CRACD: variants seen among roughly 807,000 people sequenced by gnomAD.
CRACD encodes capping protein inhibiting regulator of actin dynamics, also known as capping protein-inhibiting regulator of actin dynamics.
In CRACD, 56 loss-of-function variants were observed where a neutral mutation model predicts 106.8. The observed-to-expected ratio is 0.52, with a 90% CI of 0.42 to 0.66. The LOEUF is 0.66. CRACD is among the 30% of genes least tolerant of loss of function. The pLI is 0.00. For synonymous variants in CRACD, 754 were observed against 670.8 expected (o/e 1.12, Z -1.92); for missense variants, 1,730 against 1,623.2 (o/e 1.07, Z -1.13).
At chr4:56,079,785 A>T (rs574548237) in intron 1 of CRACD, among the ~76,000 whole-genome samples, 2 of 152,130 alleles carry the variant, frequency 1.3e-5, no homozygotes, top group South Asian at 4.2e-4. Flanking sequence ...TTTTGTTTTT[A>T]AAATTGTAAA....
chr4:56,098,815 C>T (rs540047079), intron 1 of CRACD, among the ~76,000 whole-genome samples: 1 of 152,274 alleles, frequency 6.6e-6, no homozygotes, highest in Admixed American at 6.5e-5. Flanking sequence ...CCTCAGCCTC[C>T]AGGTGTGCAC....
intron 1 of CRACD, among the ~76,000 whole-genome samples, chr4:56,067,416 T>G (rs1732498262): frequency 6.6e-6 from 1 of 152,244 alleles, no homozygotes; most frequent in Non-Finnish European, 1.5e-5. Context: ...CTTCTTTGGA[T>G]CTGGATACCT....
intron 2 of CRACD, among the ~76,000 whole-genome samples, chr4:56,215,037 T>C (rs1738610782): frequency 6.6e-6 from 1 of 152,020 alleles, no homozygotes; most frequent in African/African-American, 2.4e-5. Context: ...AGAGACAGCA[T>C]ACTGCTCTTT....
At position 56,202,969 on chromosome 4, in the gene CRACD, ATTGCTGAATT is replaced by A. The variant is rs1242994171; in HGVS notation, c.-189+23540_-189+23549del. 7.9e-5 allele frequency among the ~76,000 whole-genome samples: 12 copies of A among 152,302 alleles called. No homozygotes were observed. In the East Asian group the frequency reaches 2.3e-3, roughly 29 times the overall value. ...TGCTTCACCCTAATCAGTTTGTCTAATTGCTGAATTAGTTGAGGGGATATGTATGATATTA... is the reference window on the plus strand; with the variant it reads ...TGCTTCACCCTAATCAGTTTGTCTAAAGTTGAGGGGATATGTATGATATTA... On this transcript the variant is annotated intron_variant, in intron 2 of 10. Coordinates refer to ENST00000682029, the MANE Select transcript of CRACD (RefSeq NM_001393381.1).
chr4:56,229,024 C>T (rs1372662032), intron 2 of CRACD, among the ~76,000 whole-genome samples: 2 of 152,120 alleles, frequency 1.3e-5, no homozygotes, highest in East Asian at 1.9e-4. Flanking sequence ...GAAAGTCATA[C>T]ATAAGGTTCT....
intron 1 of CRACD, among the ~76,000 whole-genome samples, chr4:56,128,107 A>G (rs1339450973): frequency 1.3e-5 from 2 of 151,514 alleles, no homozygotes; most frequent in African/African-American, 2.4e-5. Context: ...TCATATCAAT[A>G]TTTCCTGATG....
chr4:56,209,745 C>T (rs1034521491), intron 2 of CRACD, among the ~76,000 whole-genome samples: 2 of 152,098 alleles, frequency 1.3e-5, no homozygotes, highest in African/African-American at 4.8e-5. Context: ...AAATGACTCC[C>T]ATTTTATGAT....
chr4:56,100,348 C>A (rs560840612), intron 1 of CRACD, among the ~76,000 whole-genome samples: 110 of 152,300 alleles, frequency 7.2e-4, no homozygotes, highest in African/African-American at 2.5e-3. Context: ...TAAATTACTT[C>A]ATTCTGAGCA....
chr4:56,138,417 T>A (rs1735079785), intron 1 of CRACD, among the ~76,000 whole-genome samples: 2 of 152,104 alleles, frequency 1.3e-5, no homozygotes, highest in Non-Finnish European at 2.9e-5. Context: ...TGAGCCAAGA[T>A]TGTGTCACTG....
At chr4:56,263,999 C>T (rs1173570252) in intron 2 of CRACD, among the ~76,000 whole-genome samples, 1 of 152,112 alleles carries the variant, frequency 6.6e-6, no homozygotes, top group Non-Finnish European at 1.5e-5. Flanking sequence ...CACAGTTTTG[C>T]AGGATGTACA....
At chr4:56,069,908 A>C (rs1248537494) in intron 1 of CRACD, among the ~76,000 whole-genome samples, 1 of 152,162 alleles carries the variant, frequency 6.6e-6, no homozygotes, top group East Asian at 1.9e-4. Context: ...TAAATGTGAT[A>C]ATGTTTCTAC....
At chr4:56,224,275 G>T (rs1739187918) in intron 2 of CRACD, among the ~76,000 whole-genome samples, 1 of 152,020 alleles carries the variant, frequency 6.6e-6, no homozygotes, top group Admixed American at 6.5e-5. Context: ...CTTTAAAAAT[G>T]ACTTGAAATT....
At chr4:56,064,677 A>G (rs891934054) in intron 1 of CRACD, among the ~76,000 whole-genome samples, 20 of 152,066 alleles carry the variant, frequency 1.3e-4, no homozygotes, top group Non-Finnish European at 2.5e-4. Flanking sequence ...ACCTATTGTT[A>G]AAAAAATACT....
intron 3 of CRACD, among the ~76,000 whole-genome samples, chr4:56,297,339 T>TCCA (rs1744111539): frequency 6.6e-6 from 1 of 152,196 alleles, no homozygotes; most frequent in Non-Finnish European, 1.5e-5. Context: ...TAGCTGGGCT[T>TCCA]AGTGGCTCAT....
At chr4:56,257,079 CTTTT>C (rs566765737) in intron 2 of CRACD, among the ~76,000 whole-genome samples, 4 of 114,488 alleles carry the variant, frequency 3.5e-5, no homozygotes, top group Non-Finnish European at 3.5e-5. Flanking sequence ...TTTTGATGTT[CTTTT>C]TTTTTTTTTT....
chr4:56,158,113 C>T (rs1358591578), intron 1 of CRACD, among the ~76,000 whole-genome samples: 1 of 152,190 alleles, frequency 6.6e-6, no homozygotes, highest in Non-Finnish European at 1.5e-5. Context: ...TTCTTGCAAT[C>T]CTAAAACAAC....
intron 1 of CRACD, among the ~76,000 whole-genome samples, chr4:56,175,079 G>C (rs567357904): frequency 6.6e-6 from 1 of 152,306 alleles, no homozygotes; most frequent in South Asian, 2.1e-4. Flanking sequence ...TCCCCTGACA[G>C]GTGGGGATTA....
At chr4:56,130,715 T>C (rs764171853) in intron 1 of CRACD, among the ~76,000 whole-genome samples, 1 of 151,732 alleles carries the variant, frequency 6.6e-6, no homozygotes, top group Non-Finnish European at 1.5e-5. Flanking sequence ...GTCATAGTTG[T>C]TTTTTTTCCT....
chr4:56,200,375 T>C (rs1737823255), intron 2 of CRACD, among the ~76,000 whole-genome samples: 1 of 152,148 alleles, frequency 6.6e-6, no homozygotes, highest in Non-Finnish European at 1.5e-5. Flanking sequence ...AATGGACATC[T>C]CTAACTATGC....
Sources: allele counts gnomAD v4.1 joint callset (sites outside exome capture counted in the v4.1 genomes callset), GRCh38; gene constraint gnomAD v4.1.1; transcripts MANE v1.5; gene names NCBI Gene and HGNC (gene_info 2026-07-23, HGNC 2026-07-21).